Variants in MYOF observed in about 807,000 individuals in gnomAD.
MYOF encodes fer-1-like 3, myoferlin.
A neutral mutation model predicts 284.2 loss-of-function variants in MYOF; 244 were observed. That is an observed-to-expected ratio of 0.86 (90% confidence interval 0.77 to 0.95). The LOEUF (loss-of-function observed/expected upper bound fraction) is 0.95, where lower values mean the gene tolerates loss of function less well. Ranked by LOEUF, MYOF falls within the 40% of genes least tolerant of loss-of-function variation. The pLI, the probability that MYOF is intolerant of heterozygous loss-of-function variation, is 0.00. For synonymous variants in MYOF, 904 were observed against 919.7 expected, an observed-to-expected ratio of 0.98 and a Z score of 0.31; for missense variants, 2,496 against 2,560.6, an observed-to-expected ratio of 0.97 and a Z score of 0.54.
intron 51 of MYOF, among the ~76,000 whole-genome samples, chr10:93,312,351 T>C (rs79450468): frequency 2.3e-4 from 2 of 8,810 alleles, no homozygotes; most frequent in Non-Finnish European, 6.4e-4. Flanking sequence ...TTTTTTTCTT[T>C]TTTATTTTTT....
chr10:93,322,549 A>G (rs1407698645), intron 48 of MYOF, among the ~76,000 whole-genome samples: 5 of 152,232 alleles, frequency 3.3e-5, no homozygotes, highest in African/African-American at 9.6e-5. Flanking sequence ...GGCAAGTAAG[A>G]GAATATTGAA....
chr10:93,333,725 C>T, intron 42 of MYOF, 33 bp downstream of exon 42: 2 of 1,607,802 alleles, frequency 1.2e-6, no homozygotes, highest in Non-Finnish European at 1.7e-6. Flanking sequence ...AATTATCTTG[C>T]TACAGGAGAA....
At chr10:93,337,133 GTTT>G (rs1554840423) in intron 40 of MYOF, among the ~76,000 whole-genome samples, 2 of 135,228 alleles carry the variant, frequency 1.5e-5, no homozygotes, top group African/African-American at 2.7e-5. Context: ...AAAGGTGTGG[GTTT>G]TTTTTTTTTT....
intron 19 of MYOF, among the ~76,000 whole-genome samples, chr10:93,382,891 T>G (rs1158031029): frequency 3.3e-5 from 5 of 152,212 alleles, no homozygotes; most frequent in Non-Finnish European, 7.3e-5. Context: ...TACCCAGAAG[T>G]GGAATTTTTA....
intron 52 of MYOF, 27 bp downstream of exon 52, chr10:93,310,507 A>T: frequency 6.2e-7 from 1 of 1,605,388 alleles, no homozygotes; most frequent in Non-Finnish European, 8.5e-7. Flanking sequence ...GTGTTTGGGG[A>T]GTGGGAGAAC....
At chr10:93,389,306 A>G (rs1458925919) in intron 17 of MYOF, 152 bp from the exon 18 acceptor site, 4 of 793,384 alleles carry the variant, frequency 5.0e-6, no homozygotes, top group Non-Finnish European at 7.2e-6. Flanking sequence ...GAGGTTTGCC[A>G]TATTTCTCTT....
rs547887152 is a variant in MYOF at position 93,323,061 on chromosome 10, T to C, written c.5456+17A>G. The C allele has an allele frequency of 3.1e-6, 5 of 1,608,400 alleles. No individual in the cohort carries two copies. In the South Asian group the frequency reaches 3.3e-5, roughly 11 times the overall value. ...GTTTCCCTGAGCTTGGCAAAGTCTC[T>C]CACATGCTAACCTTACCCTTTGACG... On this transcript the variant is annotated intron_variant, in intron 48 of 53. Coordinates refer to ENST00000359263, the MANE Select transcript of MYOF (RefSeq NM_013451.4).
intron 50 of MYOF, 67 bp downstream of exon 50, chr10:93,316,647 G>A (rs1842623752): frequency 7.2e-7 from 1 of 1,397,900 alleles, no homozygotes; most frequent in Non-Finnish European, 1.0e-6. Flanking sequence ...TTGCTTCCAA[G>A]TTTTCATTGA....
chr10:93,329,570 A>G, intron 44 of MYOF, 94 bp downstream of exon 44: 1 of 1,306,424 alleles, frequency 7.7e-7, no homozygotes, highest in Admixed American at 2.0e-5. Flanking sequence ...GCAGTGGCTC[A>G]GTGAAGGAAG....
At chr10:93,390,424 G>A (rs1318961971) in intron 17 of MYOF, among the ~76,000 whole-genome samples, 1 of 152,102 alleles carries the variant, frequency 6.6e-6, no homozygotes, top group African/African-American at 2.4e-5. Flanking sequence ...CAAAACTAGT[G>A]CACGCAGCCT....
rs1050255430 is a variant in MYOF at position 93,329,813 on chromosome 10, G to A, written c.4833C>T (p.Tyr1611=). 1.2e-6 allele frequency: 2 copies of A among 1,614,224 alleles called. No homozygotes were observed. Among genetic ancestry groups the A allele is most frequent in the Non-Finnish European group, 1.7e-6 (2 of 1,180,038 alleles). ...VFGRMYELSC[Y]LPQEKDLKIS... ...TTTTCAGGTCTTTTTCTTGAGGTAAGTAGCAGCTCAGTTCGTACATCCTAA... is the reference window on the plus strand; with the variant it reads ...TTTTCAGGTCTTTTTCTTGAGGTAAATAGCAGCTCAGTTCGTACATCCTAA... The change falls in exon 44 of 54, where the codon TAC becomes TAT. Residue 1611 remains tyrosine (Y), a synonymous_variant. Transcript: ENST00000359263.
intron 25 of MYOF, among the ~76,000 whole-genome samples, chr10:93,366,879 T>C (rs191222014): frequency 7.5e-4 from 114 of 152,316 alleles, no homozygotes; most frequent in Non-Finnish European, 1.2e-3. Context: ...TAGTTGCTTC[T>C]ATTATAATTT....
rs1345364124 is a variant in MYOF, at chr10:93,344,341, T to C, written c.4250-409A>G. On this transcript the variant is annotated intron_variant, in intron 37 of 53. Transcript: ENST00000359263. The stretch of plus-strand genomic sequence containing the variant: ...GGATGAATTATATGGTTGTGAATTC[T>C]GAGATTGTAGTGCACCTGTCACCTG... Among the ~76,000 whole-genome samples the C allele has an allele frequency of 2.0e-5, 3 of 152,170 alleles. No homozygotes were observed. In the East Asian group the frequency reaches 5.8e-4, roughly 29 times the overall value.
At chr10:93,317,000 A>G (rs1214719565) in intron 49 of MYOF, among the ~76,000 whole-genome samples, 187 bp from the exon 50 acceptor site, 1 of 151,496 alleles carries the variant, frequency 6.6e-6, no homozygotes, top group Non-Finnish European at 1.5e-5. Context: ...AAGCTGGGCA[A>G]CTGAAGGAAT....
chr10:93,351,324 C>T, intron 34 of MYOF, 29 bp from the exon 35 acceptor site: 2 of 1,609,200 alleles, frequency 1.2e-6, no homozygotes, highest in Non-Finnish European at 1.7e-6. Flanking sequence ...TATGTCAATG[C>T]CTCACTTTAG....
intron 53 of MYOF, 131 bp downstream of exon 53, chr10:93,309,889 G>A (rs1842305574): frequency 3.6e-6 from 4 of 1,107,870 alleles, no homozygotes; most frequent in Non-Finnish European, 3.8e-6. Context: ...TTTCCCCAAA[G>A]CAGAAGGGTT....
chr10:93,397,179 G>C (rs564272651), intron 15 of MYOF, 68 bp downstream of exon 15: 1 of 1,326,190 alleles, frequency 7.5e-7, no homozygotes, highest in East Asian at 2.4e-5. Flanking sequence ...AGACAATCCA[G>C]AGTAATGTTT....
intron 16 of MYOF, among the ~76,000 whole-genome samples, chr10:93,394,487 G>A (rs1388477296): frequency 1.4e-4 from 7 of 49,874 alleles, no homozygotes; most frequent in African/African-American, 3.5e-4. Context: ...TTGAGACAGA[G>A]TCTTGCTCTG....
At chr10:93,333,731 G>A (rs1341994716) in intron 42 of MYOF, 27 bp downstream of exon 42, 2 of 1,610,234 alleles carry the variant, frequency 1.2e-6, no homozygotes, top group South Asian at 1.1e-5. Flanking sequence ...CTTGCTACAG[G>A]AGAAGGCCCC....
Sources: gnomAD v4.1 joint callset for allele counts (sites outside exome capture counted in the v4.1 genomes callset) on GRCh38, gnomAD v4.1.1 for gene constraint, MANE v1.5 for transcripts, NCBI Gene and HGNC (gene_info 2026-07-23, HGNC 2026-07-21) for gene names.